Variants in GABRG3 observed in about 807,000 individuals in gnomAD.
The protein encoded by GABRG3 is gamma-aminobutyric acid receptor subunit gamma-3.
Under a neutral mutation model 48.8 loss-of-function variants are expected in GABRG3, and 25 were observed. That is an observed-to-expected ratio of 0.51 (90% CI 0.37 to 0.72). GABRG3 has a LOEUF of 0.72. GABRG3 is among the 30% of genes least tolerant of loss of function. The pLI is 0.00. For synonymous variants in GABRG3, 227 were observed against 217.6 expected (o/e 1.04, Z -0.38); for missense variants, 394 against 577.9 (o/e 0.68, Z 3.26).
intron 5 of GABRG3, among the ~76,000 whole-genome samples, chr15:27,468,869 CTTCTA>C (rs1231960453): frequency 6.6e-6 from 1 of 152,100 alleles, no homozygotes; most frequent in Non-Finnish European, 1.5e-5. Flanking sequence ...TAAAAAAAAT[CTTCTA>C]TTCATGAAAT....
chr15:27,028,963 G>C (rs1896032521), intron 3 of GABRG3, among the ~76,000 whole-genome samples: 1 of 152,096 alleles, frequency 6.6e-6, no homozygotes, highest in Non-Finnish European at 1.5e-5. Flanking sequence ...CCTTAGAATG[G>C]CCGGGGGCAT....
chr15:27,046,565 C>T (rs1430209776), intron 3 of GABRG3, among the ~76,000 whole-genome samples: 1 of 152,234 alleles, frequency 6.6e-6, no homozygotes, highest in Non-Finnish European at 1.5e-5. Flanking sequence ...CCCTTACTGG[C>T]TTGTCCATCT....
chr15:27,455,186 A>T (rs566893291), intron 5 of GABRG3, among the ~76,000 whole-genome samples: 9 of 152,330 alleles, frequency 5.9e-5, no homozygotes, highest in Non-Finnish European at 1.3e-4. Flanking sequence ...TACACTGCTG[A>T]CACTCCTGGC....
chr15:27,069,372 C>G (rs1896789657), intron 3 of GABRG3, among the ~76,000 whole-genome samples: 1 of 152,242 alleles, frequency 6.6e-6, no homozygotes, highest in African/African-American at 2.4e-5. Flanking sequence ...GAAAGCCTCT[C>G]TGTGTCTCCT....
chr15:27,296,584 G>A (rs1160959365), intron 3 of GABRG3, among the ~76,000 whole-genome samples: 2 of 152,054 alleles, frequency 1.3e-5, no homozygotes, highest in Admixed American at 6.6e-5. Context: ...CATATGTGAC[G>A]GTGGTCCCAT....
chr15:27,101,713 A>G (rs1267076308), intron 3 of GABRG3, among the ~76,000 whole-genome samples: 2 of 152,086 alleles, frequency 1.3e-5, no homozygotes, highest in Non-Finnish European at 2.9e-5. Context: ...ATCCATAGAC[A>G]AAACAAAAAC....
chr15:27,388,245 GAAA>G lies in GABRG3; in HGVS notation c.574+59358_574+59360del, dbSNP rs1566818118. Among the ~76,000 whole-genome samples, 46 of 29,208 alleles carry G rather than the reference GAAA, an allele frequency of 1.6e-3. 4 individuals carry two copies. Among genetic ancestry groups the G allele is most frequent in the Non-Finnish European group, 2.6e-3 (41 of 15,722 alleles). 19.2% of individuals were successfully genotyped at this position (29,208 alleles called of 152,430 possible). On this transcript the variant is annotated intron_variant, in intron 5 of 9. Transcript: ENST00000615808. The stretch of plus-strand genomic sequence containing the variant: ...GGAAGGAAAGGGAGGAGGGAGGGAG[GAAA>G]GGAAGGAAGGAAAGGAGGGAGGGAG...
intron 3 of GABRG3, among the ~76,000 whole-genome samples, chr15:27,305,550 C>CATATAT (rs201628468): frequency 3.7e-4 from 52 of 140,870 alleles, no homozygotes; most frequent in African/African-American, 1.3e-3. Flanking sequence ...TATATATAAA[C>CATATAT]ATAATATAAA....
intron 3 of GABRG3, among the ~76,000 whole-genome samples, chr15:27,267,195 C>T (rs1180581472): frequency 6.6e-6 from 1 of 150,434 alleles, no homozygotes; most frequent in Non-Finnish European, 1.5e-5. Context: ...CAACCTCCTC[C>T]TCCTGGGTTC....
rs139422423 is a variant in GABRG3 at position 27,395,525 on chromosome 15, G to A, written c.574+66637G>A. Among the ~76,000 whole-genome samples, 471 of 152,244 alleles carry A rather than the reference G, an allele frequency of 3.1e-3. 1 individual carries two copies. The highest frequency in any genetic ancestry group is 0.011 in the African/African-American group (442 of 41,536). ...CTACAGTAATCTTGAAAGTCTTATTGTCAATAGTGTAGATACATAGATCTA... is the reference window on the plus strand; with the variant it reads ...CTACAGTAATCTTGAAAGTCTTATTATCAATAGTGTAGATACATAGATCTA... On this transcript the variant is annotated intron_variant, in intron 5 of 9. Coordinates refer to ENST00000615808, the MANE Select transcript of GABRG3 (RefSeq NM_033223.5).
At chr15:27,119,852 C>T (rs1386244938) in intron 3 of GABRG3, among the ~76,000 whole-genome samples, 1 of 152,218 alleles carries the variant, frequency 6.6e-6, no homozygotes, top group Non-Finnish European at 1.5e-5. Flanking sequence ...AGCACAGCTG[C>T]TGACTTCATT....
At chr15:27,071,981 C>T (rs777839140) in intron 3 of GABRG3, among the ~76,000 whole-genome samples, 11 of 152,198 alleles carry the variant, frequency 7.2e-5, no homozygotes, top group South Asian at 4.1e-4. Context: ...TAAATCAGGA[C>T]GGTATTTAAG....
At chr15:27,500,540 A>G (rs1465797442) in intron 6 of GABRG3, among the ~76,000 whole-genome samples, 1 of 152,260 alleles carries the variant, frequency 6.6e-6, no homozygotes, top group Non-Finnish European at 1.5e-5. Flanking sequence ...GCAAAGGCCC[A>G]GCACCAGCCA....
chr15:27,328,991 A>G, intron 5 of GABRG3, 103 bp downstream of exon 5: 1 of 953,986 alleles, frequency 1.0e-6, no homozygotes, highest in East Asian at 2.6e-5. Context: ...GTGTCCCTGC[A>G]CACACAGAGA....
chr15:26,993,931 G>A (rs998134704), intron 2 of GABRG3, among the ~76,000 whole-genome samples: 14 of 151,956 alleles, frequency 9.2e-5, no homozygotes, highest in East Asian at 3.9e-4. Context: ...TCCTCTTGCC[G>A]AATTGAACCC....
At chr15:27,303,753 T>C (rs769508406) in intron 3 of GABRG3, among the ~76,000 whole-genome samples, 5 of 149,226 alleles carry the variant, frequency 3.4e-5, no homozygotes, top group Admixed American at 6.7e-5. Flanking sequence ...TCCGTGTGTG[T>C]ATATATATAT....
chr15:27,528,730 G>T lies in GABRG3; in HGVS notation c.1122+738G>T, dbSNP rs149066435. On this transcript the variant is annotated intron_variant, in intron 9 of 9. Coordinates refer to ENST00000615808, the MANE Select transcript of GABRG3 (RefSeq NM_033223.5). ...ACAATATTGTCACTCGTTTATTTTT[G>T]ATTTGCATTTCCATTTTTGGGAATT... Among the ~76,000 whole-genome samples the T allele has an allele frequency of 2.6e-3, 400 of 152,014 alleles. 1 individual carries two copies. The highest frequency in any genetic ancestry group is 9.1e-3 in the African/African-American group (379 of 41,448).
chr15:27,519,134 G>A (rs894602969), intron 6 of GABRG3, among the ~76,000 whole-genome samples: 5 of 152,144 alleles, frequency 3.3e-5, no homozygotes, highest in Non-Finnish European at 7.3e-5. Context: ...GGCACTGGAT[G>A]ACTGAATCCA....
intron 5 of GABRG3, among the ~76,000 whole-genome samples, chr15:27,454,398 A>C (rs1346452168): frequency 6.6e-6 from 1 of 152,216 alleles, no homozygotes; most frequent in Non-Finnish European, 1.5e-5. Context: ...AGAGGTCTAC[A>C]TGCAGGAAAG....
Sources: allele counts gnomAD v4.1 joint callset (sites outside exome capture counted in the v4.1 genomes callset), GRCh38; gene constraint gnomAD v4.1.1; transcripts MANE v1.5; gene names NCBI Gene and HGNC (gene_info 2026-07-23, HGNC 2026-07-21).